Variants in RBPMS observed in about 807,000 individuals in gnomAD.
RBPMS encodes RNA-binding protein with multiple splicing.
Under a neutral mutation model 26.8 loss-of-function variants are expected in RBPMS, and 7 were observed. The ratio of observed to expected loss-of-function variants is 0.26; its 90% CI spans 0.15 to 0.49. RBPMS has a LOEUF of 0.49. RBPMS is among the 20% of genes least tolerant of loss of function. RBPMS has a pLI of 0.98. For synonymous variants in RBPMS, 96 were observed against 93.3 expected (o/e 1.03, Z -0.17); for missense variants, 186 against 250.0 (o/e 0.74, Z 1.73).
At chr8:30,455,245 A>G (rs1247194100) in intron 1 of RBPMS, among the ~76,000 whole-genome samples, 4 of 152,220 alleles carry the variant, frequency 2.6e-5, no homozygotes, top group African/African-American at 9.6e-5. Context: ...AATAATTTAA[A>G]TACTACCCAG....
intron 1 of RBPMS, among the ~76,000 whole-genome samples, chr8:30,437,011 C>T (rs979622125): frequency 3.3e-5 from 5 of 151,200 alleles, no homozygotes; most frequent in Admixed American, 6.6e-5. Flanking sequence ...CAAGCTCTGC[C>T]TCCTGGGTTC....
At chr8:30,518,883 A>G (rs1822680465) in intron 5 of RBPMS, among the ~76,000 whole-genome samples, 1 of 151,000 alleles carries the variant, frequency 6.6e-6, no homozygotes, top group Non-Finnish European at 1.5e-5. Flanking sequence ...ATTACACCTC[A>G]CACCCTGAGC....
chr8:30,413,297 C>T (rs1809666029), intron 1 of RBPMS, among the ~76,000 whole-genome samples: 1 of 152,042 alleles, frequency 6.6e-6, no homozygotes, highest in Non-Finnish European at 1.5e-5. Flanking sequence ...TCTCAAACTC[C>T]TGGCCTCAAG....
At chr8:30,479,477 C>T (rs1437017977) in intron 4 of RBPMS, 100 bp downstream of exon 4, 3 of 884,230 alleles carry the variant, frequency 3.4e-6, no homozygotes, top group East Asian at 4.8e-5. Flanking sequence ...AATATGACTG[C>T]ACAGTCTAAG....
At chr8:30,555,943 C>T (rs937412448) in intron 6 of RBPMS, 1 of 985,348 alleles carries the variant, frequency 1.0e-6, no homozygotes, top group African/African-American at 1.7e-5. Context: ...CTCTGCTGTG[C>T]ACCATGAGCC....
intron 6 of RBPMS, among the ~76,000 whole-genome samples, chr8:30,549,856 C>CTT (rs1184154625): frequency 1.1e-5 from 1 of 94,396 alleles, no homozygotes; most frequent in African/African-American, 4.0e-5. Context: ...TTTCTTTCTT[C>CTT]TTTTTTTTTT....
chr8:30,427,557 C>T (rs979190410), intron 1 of RBPMS, among the ~76,000 whole-genome samples: 1 of 152,242 alleles, frequency 6.6e-6, no homozygotes. Flanking sequence ...ACTCCCCTGG[C>T]AAACTCTCTC....
At position 30,518,687 on chromosome 8, in the gene RBPMS, C is replaced by CTTTTTTTTTTTTTTTTTTTTT. The variant is rs58763494; in HGVS notation, c.397+14259_397+14279dup. 2.1e-3 allele frequency among the ~76,000 whole-genome samples: 39 copies of CTTTTTTTTTTTTTTTTTTTTT among 18,244 alleles called. 18 individuals carry two copies. The highest frequency in any genetic ancestry group is 2.5e-3 in the Non-Finnish European group (26 of 10,242). 12.0% of individuals were successfully genotyped at this position (18,244 alleles called of 152,430 possible). ...CAGTGATCCGCCCGGCCAAGCATGA[C>CTTTTTTTTTTTTTTTTTTTTT]TTTTTTTTTTTTTTTTTTTTTTTTT... On this transcript the variant is annotated intron_variant, in intron 5 of 8. Coordinates refer to ENST00000397323, the MANE Select transcript of RBPMS (RefSeq NM_001008710.3).
At chr8:30,551,485 C>T (rs549031723) in intron 6 of RBPMS, among the ~76,000 whole-genome samples, 2 of 152,132 alleles carry the variant, frequency 1.3e-5, no homozygotes, top group African/African-American at 2.4e-5. Context: ...CTGGGGGCAC[C>T]ATTACTCTCC....
intron 1 of RBPMS, among the ~76,000 whole-genome samples, chr8:30,421,664 G>C (rs1428035319): frequency 6.6e-6 from 1 of 152,080 alleles, no homozygotes; most frequent in Non-Finnish European, 1.5e-5. Context: ...GGTTAAAAAG[G>C]CTGTTTTACT....
At chr8:30,443,366 C>T (rs1216549299) in intron 1 of RBPMS, among the ~76,000 whole-genome samples, 1 of 152,056 alleles carries the variant, frequency 6.6e-6, no homozygotes, top group Non-Finnish European at 1.5e-5. Context: ...CAAAAGGTTG[C>T]GTAGTATAGT....
At position 30,474,775 on chromosome 8, in the gene RBPMS, C is replaced by T; in HGVS notation, c.67-4C>T. 3.1e-6 allele frequency: 5 copies of T among 1,600,596 alleles called. No individual in the cohort carries two copies. Among genetic ancestry groups the T allele is most frequent in the Non-Finnish European group, 4.3e-6 (5 of 1,168,164 alleles). ...TTGATCACTTCCTAAATTTATTTTT[C>T]CAGGTCCGGACCCTATTTGTCAGTG... On this transcript the variant is annotated splice_polypyrimidine_tract_variant and splice_region_variant and intron_variant, in intron 1 of 8. Transcript: ENST00000397323.
At chr8:30,536,817 C>G (rs1324808834) in intron 5 of RBPMS, among the ~76,000 whole-genome samples, 1 of 152,060 alleles carries the variant, frequency 6.6e-6, no homozygotes, top group African/African-American at 2.4e-5. Flanking sequence ...GAACAGTATG[C>G]TGCTCTCATG....
intron 1 of RBPMS, among the ~76,000 whole-genome samples, chr8:30,465,540 G>A (rs945867761): frequency 1.3e-5 from 2 of 152,114 alleles, no homozygotes; most frequent in Admixed American, 6.6e-5. Context: ...TAATCCCAGC[G>A]CTTTGAGAGG....
chr8:30,543,230 G>C (rs1825568543), intron 5 of RBPMS, among the ~76,000 whole-genome samples: 1 of 152,204 alleles, frequency 6.6e-6, no homozygotes, highest in Admixed American at 6.5e-5. Context: ...TGCCATGCAA[G>C]CTGGCTGTGG....
rs3757913 is a variant in RBPMS, at chr8:30,502,248, T to C, written c.247-2038T>C. ...CGGGTATGAAGAAGGGGGCAGGGAG[T>C]AGGGGAGACTTAGTTCAGCATGTTT... On this transcript the variant is annotated intron_variant, in intron 4 of 8. Coordinates refer to ENST00000397323, the MANE Select transcript of RBPMS (RefSeq NM_001008710.3). 5.2e-3 allele frequency among the ~76,000 whole-genome samples: 763 copies of C among 147,372 alleles called. 9 individuals are homozygous for C. Among genetic ancestry groups the C allele is most frequent in the South Asian group, 0.023 (105 of 4,630 alleles).
chr8:30,520,073 T>TA (rs749598049), intron 5 of RBPMS, among the ~76,000 whole-genome samples: 3 of 152,216 alleles, frequency 2.0e-5, no homozygotes, highest in Non-Finnish European at 2.9e-5. Flanking sequence ...ATGCTTGGTG[T>TA]AAACTAAGAG....
intron 1 of RBPMS, among the ~76,000 whole-genome samples, chr8:30,432,106 A>G (rs1295971196): frequency 2.0e-5 from 3 of 152,200 alleles, no homozygotes; most frequent in Non-Finnish European, 2.9e-5. Context: ...AGCCTGGACA[A>G]CAGAGTGAGA....
intron 5 of RBPMS, among the ~76,000 whole-genome samples, chr8:30,517,957 T>C (rs1032999019): frequency 6.6e-6 from 1 of 152,124 alleles, no homozygotes; most frequent in Admixed American, 6.5e-5. Flanking sequence ...CATGATCCAG[T>C]GCAGCTGAAG....
Sources: allele counts gnomAD v4.1 joint callset (sites outside exome capture counted in the v4.1 genomes callset), GRCh38; gene constraint gnomAD v4.1.1; transcripts MANE v1.5; gene names NCBI Gene and HGNC (gene_info 2026-07-23, HGNC 2026-07-21).